Variants in LINGO2 observed in about 807,000 individuals in gnomAD.
The protein encoded by LINGO2 is leucine-rich repeat and immunoglobulin-like domain-containing nogo receptor-interacting protein 2.
A neutral mutation model predicts 30.6 loss-of-function variants in LINGO2; 14 were observed. The ratio of observed to expected loss-of-function variants is 0.46; its 90% CI spans 0.30 to 0.72. LINGO2 has a LOEUF of 0.72. Ranked by LOEUF, LINGO2 falls within the 30% of genes least tolerant of loss-of-function variation. LINGO2 has a pLI of 0.07. For missense variants in LINGO2, 729 were observed against 751.7 expected (o/e 0.97, Z 0.35); for synonymous variants, 317 against 288.5 (o/e 1.10, Z -1.00).
chr9:28,928,359 T>A, the LINGO2 span, among the ~76,000 whole-genome samples: 1 of 152,208 alleles, frequency 6.6e-6, no homozygotes, highest in Non-Finnish European at 1.5e-5. Context: ...TTAGTATCAA[T>A]ATTATTTCAT....
chr9:29,187,970 C>T, the LINGO2 span, among the ~76,000 whole-genome samples: 1 of 147,300 alleles, frequency 6.8e-6, no homozygotes, highest in South Asian at 2.2e-4. Context: ...TTTTTTTTTC[C>T]AAATAAAAAG....
chr9:28,367,100 T>TA (rs1564153624), intron 3 of LINGO2, among the ~76,000 whole-genome samples: 1 of 144,244 alleles, frequency 6.9e-6, no homozygotes, highest in African/African-American at 2.6e-5. Flanking sequence ...ATAATTTTGG[T>TA]TAAATCAAAA....
chr9:28,826,002 A>G, the LINGO2 span, among the ~76,000 whole-genome samples: 1 of 152,324 alleles, frequency 6.6e-6, no homozygotes, highest in South Asian at 2.1e-4. Context: ...TATTTTGCAT[A>G]ATGCCAAGGC....
At chr9:28,528,562 G>A (rs1821113423) in intron 1 of LINGO2, among the ~76,000 whole-genome samples, 1 of 152,036 alleles carries the variant, frequency 6.6e-6, no homozygotes, top group Non-Finnish European at 1.5e-5. Context: ...ATTGAACACT[G>A]CTTACATTTT....
intron 4 of LINGO2, among the ~76,000 whole-genome samples, chr9:28,055,078 A>C (rs1218327436): frequency 1.3e-5 from 2 of 152,136 alleles, no homozygotes; most frequent in South Asian, 4.1e-4. Context: ...GATGGTAATC[A>C]AAAATTTCCA....
Position 28,172,503 on chromosome 9 carries a change from A to G in LINGO2, c.-87+122705T>C, listed in dbSNP as rs117189178. On this transcript the variant is annotated intron_variant, in intron 4 of 5. Transcript: ENST00000379992. ...AAGAAAATATCGTTATTGTCATTTT[A>G]AACATCTCAAAACTAGGGTAATCTT... Among the ~76,000 whole-genome samples the G allele has an allele frequency of 2.6e-3, 399 of 152,330 alleles. 7 individuals are homozygous for G. In the South Asian group the frequency reaches 0.042, roughly 16 times the overall value.
At chr9:29,000,135 G>A in the LINGO2 span, among the ~76,000 whole-genome samples, 119 of 152,048 alleles carry the variant, frequency 7.8e-4, no homozygotes, top group South Asian at 2.5e-3. Flanking sequence ...ATTCAATCAT[G>A]TATATGTCTA....
chr9:28,556,572 T>C (rs548691369), intron 1 of LINGO2, among the ~76,000 whole-genome samples: 175 of 152,164 alleles, frequency 1.2e-3, no homozygotes, highest in African/African-American at 3.6e-3. Context: ...CCATACTGCC[T>C]AAGGTCATTT....
At chr9:28,450,107 A>G (rs1457832898) in intron 2 of LINGO2, among the ~76,000 whole-genome samples, 1 of 152,012 alleles carries the variant, frequency 6.6e-6, no homozygotes, top group Admixed American at 6.6e-5. Context: ...GATGACTGAA[A>G]CACATCTGAA....
intron 4 of LINGO2, among the ~76,000 whole-genome samples, chr9:28,120,953 A>G (rs2133396444): frequency 6.6e-6 from 1 of 152,270 alleles, no homozygotes; most frequent in Non-Finnish European, 1.5e-5. Context: ...AAAAGACAAA[A>G]CAAACTCTTA....
At chr9:28,880,828 A>G in the LINGO2 span, among the ~76,000 whole-genome samples, 1 of 152,150 alleles carries the variant, frequency 6.6e-6, no homozygotes, top group African/African-American at 2.4e-5. Context: ...TGTTTGCAGC[A>G]ATCCTGCCTT....
At chr9:28,571,071 G>A (rs1048777550) in intron 1 of LINGO2, among the ~76,000 whole-genome samples, 11 of 151,878 alleles carry the variant, frequency 7.2e-5, no homozygotes, top group Non-Finnish European at 1.2e-4. Flanking sequence ...TCATTAAAAC[G>A]TTAGAAGAAT....
At chr9:28,179,183 C>A (rs1828830036) in intron 4 of LINGO2, among the ~76,000 whole-genome samples, 1 of 139,196 alleles carries the variant, frequency 7.2e-6, no homozygotes, top group African/African-American at 2.6e-5. Context: ...TATAGCATAG[C>A]TAATAGCATC....
At chr9:28,878,666 A>T in the LINGO2 span, among the ~76,000 whole-genome samples, 15 of 152,348 alleles carry the variant, frequency 9.8e-5, no homozygotes, top group Middle Eastern at 3.4e-3. Flanking sequence ...CATCCCTGGG[A>T]TGCAAGGCTG....
the LINGO2 span, among the ~76,000 whole-genome samples, chr9:28,891,955 A>G: frequency 6.6e-6 from 1 of 151,944 alleles, no homozygotes; most frequent in African/African-American, 2.4e-5. Flanking sequence ...AACATTATTC[A>G]TGTTACTACC....
intron 4 of LINGO2, among the ~76,000 whole-genome samples, chr9:28,025,222 C>T (rs1305402182): frequency 6.6e-6 from 1 of 152,156 alleles, no homozygotes. Context: ...ACTATTACAT[C>T]CCAAAGTTTC....
chr9:28,102,659 A>C (rs536789095), intron 4 of LINGO2, among the ~76,000 whole-genome samples: 35 of 152,260 alleles, frequency 2.3e-4, no homozygotes, highest in African/African-American at 7.9e-4. Flanking sequence ...AGACACTTAC[A>C]ACCCACAGTA....
chr9:27,997,346 C>G (rs975613734), intron 5 of LINGO2, among the ~76,000 whole-genome samples: 3 of 152,114 alleles, frequency 2.0e-5, no homozygotes, highest in African/African-American at 7.2e-5. Context: ...TAATGCCATT[C>G]ATTTTGCGGT....
At chr9:29,190,653 A>G in the LINGO2 span, among the ~76,000 whole-genome samples, 1 of 152,230 alleles carries the variant, frequency 6.6e-6, no homozygotes, top group Non-Finnish European at 1.5e-5. Context: ...AAAGAAAAGT[A>G]TAAAACAAAT....
Sources: gnomAD v4.1 joint callset for allele counts (sites outside exome capture counted in the v4.1 genomes callset) on GRCh38, gnomAD v4.1.1 for gene constraint, MANE v1.5 for transcripts, NCBI Gene and HGNC (gene_info 2026-07-23, HGNC 2026-07-21) for gene names.